SMYD2: variants seen among roughly 807,000 people sequenced by gnomAD.
The protein encoded by SMYD2 is SET and MYND domain containing 2.
In SMYD2, 53 loss-of-function variants were observed where a neutral mutation model predicts 59.1. The ratio of observed to expected loss-of-function variants is 0.90; its 90% CI spans 0.72 to 1.13. The LOEUF (loss-of-function observed/expected upper bound fraction) is 1.13, where lower values mean the gene tolerates loss of function less well. Ranked by LOEUF, SMYD2 falls within the 50% of genes most tolerant of loss-of-function variation. The pLI is 0.00. For missense variants in SMYD2, 494 were observed against 544.7 expected, an observed-to-expected ratio of 0.91 and a Z score of 0.93; for synonymous variants, 208 against 198.8, an observed-to-expected ratio of 1.05 and a Z score of -0.39.
At chr1:214,320,942 T>G in intron 5 of SMYD2, among the ~76,000 whole-genome samples, 1 of 152,188 alleles carries the variant, frequency 6.6e-6, no homozygotes, top group East Asian at 1.9e-4. Context: ...TCTCTTACAT[T>G]TTCTGAAAAA....
At chr1:214,336,563 G>T (rs933248936) in intron 11 of SMYD2, 141 bp from the exon 12 acceptor site, 2 of 594,728 alleles carry the variant, frequency 3.4e-6, no homozygotes, top group Non-Finnish European at 5.8e-6. Flanking sequence ...ATAAAAACAG[G>T]TCCTGGTGGA....
In SMYD2 at chr1:214,318,931, C is replaced by A. The variant is rs1384777995; in HGVS notation, c.482C>A (p.Ser161Tyr). ...SDIAALHHFY[S>Y]KHLGFPDNDS... ...ATAGCTGCTCTCCATCACTTTTACT[C>A]CAAGCATCTCGGATTCCCTGACAAT... Residue 161 changes from serine (S) to tyrosine (Y), a missense_variant, in exon 5 of 12, where the codon TCC becomes TAC. Ser to Tyr is a moderately radical substitution (Grantham distance 144, BLOSUM62 -2). Coordinates refer to ENST00000366957, the MANE Select transcript of SMYD2 (RefSeq NM_020197.3). The surrounding 1 kb of genome is among the most constrained non-coding windows in gnomAD (Gnocchi z 5.4). 1 of 1,614,038 alleles carries A rather than the reference C, an allele frequency of 6.2e-7. No homozygotes were observed. Among genetic ancestry groups the A allele is most frequent in the South Asian group, 1.1e-5 (1 of 91,074 alleles).
rs1571927338 is a variant in SMYD2 at position 214,312,068 on chromosome 1, T to G, written c.238-2694T>G. Among the ~76,000 whole-genome samples, 1 of 152,338 alleles carries G rather than the reference T, an allele frequency of 6.6e-6. No homozygotes were observed. The highest frequency in any genetic ancestry group is 2.1e-4 in the South Asian group (1 of 4,828). On this transcript the variant is annotated intron_variant, in intron 2 of 11. Coordinates refer to ENST00000366957, the MANE Select transcript of SMYD2 (RefSeq NM_020197.3). The surrounding 1 kb of genome is among the most constrained non-coding windows in gnomAD (Gnocchi z 4.1). ...CCACCTCTTCGCCTCATCACCATGC[T>G]CTCATTTTAGGCTTTGGCTAAAAAC...
chr1:214,286,458 C>A (rs555816350), intron 1 of SMYD2, among the ~76,000 whole-genome samples: 6 of 151,808 alleles, frequency 4.0e-5, no homozygotes, highest in Non-Finnish European at 8.8e-5. Flanking sequence ...CAAAGTGAGA[C>A]CCTGTCTCTT....
chr1:214,314,990 C>A, intron 3 of SMYD2, 118 bp downstream of exon 3: 1 of 741,228 alleles, frequency 1.3e-6, no homozygotes, highest in Non-Finnish European at 2.3e-6. Flanking sequence ...GACTACATTT[C>A]CTATCATATC....
At chr1:214,309,513 C>T (rs1297695325) in intron 2 of SMYD2, among the ~76,000 whole-genome samples, 1 of 152,102 alleles carries the variant, frequency 6.6e-6, no homozygotes, top group Non-Finnish European at 1.5e-5. Flanking sequence ...TTGTGTTTTG[C>T]TGCTGAGGGG....
At chr1:214,333,213 G>A (rs556920874) in intron 10 of SMYD2, 13 of 152,368 alleles carry the variant, frequency 8.5e-5, no homozygotes, top group Admixed American at 8.5e-4. Flanking sequence ...CCTAGAGTGT[G>A]TGAGGAAGTG....
At chr1:214,317,544 G>A (rs988631468) in intron 3 of SMYD2, among the ~76,000 whole-genome samples, 1 of 152,180 alleles carries the variant, frequency 6.6e-6, no homozygotes, top group African/African-American at 2.4e-5. Context: ...AAAGCCTAGC[G>A]GGTTTACTAT....
intron 1 of SMYD2, among the ~76,000 whole-genome samples, chr1:214,290,363 C>A: frequency 6.6e-6 from 1 of 152,146 alleles, no homozygotes. Context: ...TAAAATCTAG[C>A]GACTCTTGTA....
chr1:214,307,680 T>C (rs1656935438), intron 2 of SMYD2, among the ~76,000 whole-genome samples: 1 of 152,122 alleles, frequency 6.6e-6, no homozygotes, highest in Non-Finnish European at 1.5e-5. Context: ...TGGCAGTATT[T>C]TGATGAATCG....
At chr1:214,294,286 A>G (rs557728096) in intron 1 of SMYD2, among the ~76,000 whole-genome samples, 2 of 152,348 alleles carry the variant, frequency 1.3e-5, no homozygotes, top group African/African-American at 2.4e-5. Flanking sequence ...TGGTAATTCA[A>G]TTTTTTATAT....
intron 1 of SMYD2, among the ~76,000 whole-genome samples, chr1:214,293,693 TG>T (rs1430083570): frequency 6.6e-6 from 1 of 152,138 alleles, no homozygotes; most frequent in Non-Finnish European, 1.5e-5. Context: ...ACTCTTTTTT[TG>T]AGATGGAGTT....
At chr1:214,291,889 G>T (rs1056195354) in intron 1 of SMYD2, among the ~76,000 whole-genome samples, 2 of 152,038 alleles carry the variant, frequency 1.3e-5, no homozygotes, top group Non-Finnish European at 2.9e-5. Context: ...CCATACACCT[G>T]AGTAAATATT....
At chr1:214,326,045 C>T (rs2102475654) in intron 6 of SMYD2, among the ~76,000 whole-genome samples, 1 of 151,934 alleles carries the variant, frequency 6.6e-6, no homozygotes, top group South Asian at 2.1e-4. Context: ...GGAGACCAGC[C>T]TGACCAACAT....
At chr1:214,334,721 C>T (rs1260915607) in intron 11 of SMYD2, among the ~76,000 whole-genome samples, 1 of 152,224 alleles carries the variant, frequency 6.6e-6, no homozygotes, top group Non-Finnish European at 1.5e-5. Flanking sequence ...ACTTAATCAT[C>T]CTCTCAGTTC....
chr1:214,333,582 A>T (rs1571936494), intron 10 of SMYD2: 1 of 152,412 alleles, frequency 6.6e-6, no homozygotes, highest in Admixed American at 6.5e-5. Context: ...TCCCAGGCAG[A>T]CCCCATCAGT....
intron 1 of SMYD2, among the ~76,000 whole-genome samples, chr1:214,303,102 T>G (rs945855416): frequency 6.6e-6 from 1 of 152,052 alleles, no homozygotes; most frequent in African/African-American, 2.4e-5. Context: ...GTTATTAGAG[T>G]AAGTTAAAAG....
intron 1 of SMYD2, among the ~76,000 whole-genome samples, chr1:214,303,029 T>C (rs1256163061): frequency 6.6e-6 from 1 of 152,118 alleles, no homozygotes; most frequent in Non-Finnish European, 1.5e-5. Flanking sequence ...ATTTAACAGC[T>C]CAGCAAAGCC....
At chr1:214,295,684 GC>G (rs555664883) in intron 1 of SMYD2, among the ~76,000 whole-genome samples, 3 of 152,210 alleles carry the variant, frequency 2.0e-5, no homozygotes, top group African/African-American at 2.4e-5. Flanking sequence ...CTGGGAAGAA[GC>G]CCCCCGCTGC....
Sources: allele counts gnomAD v4.1 joint callset (sites outside exome capture counted in the v4.1 genomes callset), GRCh38; gene constraint gnomAD v4.1.1; non-coding constraint Gnocchi (gnomAD v3.1); transcripts MANE v1.5; gene names NCBI Gene and HGNC (gene_info 2026-07-23, HGNC 2026-07-21).